Variants in DKK3 observed in about 807,000 individuals in gnomAD.
DKK3 encodes the protein dickkopf-related protein 3.
DKK3 carries 22 observed loss-of-function variants against 33.2 expected under a neutral mutation model. That is an observed-to-expected ratio of 0.66 (90% CI 0.47 to 0.95). The LOEUF is 0.95. Ranked by LOEUF, DKK3 falls within the 40% of genes least tolerant of loss-of-function variation. The pLI, the probability that DKK3 is intolerant of heterozygous loss-of-function variation, is 0.00. For missense variants in DKK3, 398 were observed against 458.4 expected, an observed-to-expected ratio of 0.87 and a Z score of 1.20; for synonymous variants, 194 against 188.8, an observed-to-expected ratio of 1.03 and a Z score of -0.23.
chr11:11,998,426 G>C, intron 3 of DKK3: 1 of 554,574 alleles, frequency 1.8e-6, no homozygotes, highest in Non-Finnish European at 3.2e-6. Context: ...GTACTTGCTT[G>C]TACCCCTTTC....
At chr11:11,984,667 A>G (rs889065164) in intron 3 of DKK3, among the ~76,000 whole-genome samples, 3 of 151,712 alleles carry the variant, frequency 2.0e-5, no homozygotes, top group South Asian at 4.2e-4. Flanking sequence ...AAAAAAAAAA[A>G]AAAAAGAAAA....
chr11:11,985,329 C>G (rs1044163928), intron 3 of DKK3, among the ~76,000 whole-genome samples: 1 of 152,244 alleles, frequency 6.6e-6, no homozygotes, highest in Non-Finnish European at 1.5e-5. Flanking sequence ...CCCGCTCCCC[C>G]GACAGTGAGC....
At position 12,002,393 on chromosome 11, in the gene DKK3, G is replaced by C. The variant is rs760818999; in HGVS notation, c.258C>G (p.Asn86Lys). The change falls in exon 2 of 7, where the codon AAC becomes AAG. Residue 86 changes from asparagine to lysine, a missense_variant. Asn to Lys is a moderately conservative substitution (Grantham distance 94). Transcript: ENST00000683431. ...GATAGCTGGGAGGTAAGTTTGCCAG[G>C]TTCACTTCTGATGATGCTTTAGCAG... ...EAAAKASSEVNLANLPPSYHN... is the reference protein window; with the variant it reads ...EAAAKASSEVKLANLPPSYHN... The C allele has an allele frequency of 5.8e-5, 94 of 1,613,596 alleles. No individual in the cohort carries two copies. The highest frequency in any genetic ancestry group is 7.6e-5 in the Non-Finnish European group (90 of 1,179,972).
intron 3 of DKK3, among the ~76,000 whole-genome samples, chr11:11,969,708 T>C (rs1847683103): frequency 6.6e-6 from 1 of 152,160 alleles, no homozygotes; most frequent in African/African-American, 2.4e-5. Context: ...GAGCCCCACC[T>C]GGAAGAGCCT....
At chr11:11,976,806 T>C (rs1847843715) in intron 3 of DKK3, among the ~76,000 whole-genome samples, 1 of 151,112 alleles carries the variant, frequency 6.6e-6, no homozygotes, top group Non-Finnish European at 1.5e-5. Context: ...GATTCCCAAG[T>C]CAGGTTTTCC....
chr11:11,976,536 G>A (rs995450828), intron 3 of DKK3, among the ~76,000 whole-genome samples: 2 of 152,252 alleles, frequency 1.3e-5, no homozygotes, highest in African/African-American at 4.8e-5. Context: ...CTCAAGCCAA[G>A]TTCTGCTCAA....
chr11:12,007,637 T>C (rs1022922292), intron 1 of DKK3, among the ~76,000 whole-genome samples: 3 of 152,182 alleles, frequency 2.0e-5, no homozygotes, highest in Admixed American at 6.5e-5. Context: ...GCACCTATTA[T>C]TTGCCAGGTG....
In DKK3 at chr11:11,968,473, G is replaced by A. The variant is rs918670099; in HGVS notation, c.450C>T (p.Asp150=). ...EGRRSHECII[D]EDCGPSMYCQ... ...AGTACATGCTGGGCCCACAGTCCTC[G>A]TCGATGATGCACTCCTGGGGAAGGG... The change falls in exon 4 of 7, where the codon GAC becomes GAT. Residue 150 remains aspartate (D), a synonymous_variant. Coordinates refer to ENST00000683431, the MANE Select transcript of DKK3 (RefSeq NM_001018057.2). The A allele has an allele frequency of 8.1e-6, 13 of 1,613,098 alleles. No homozygotes were observed. Among genetic ancestry groups the A allele is most frequent in the African/African-American group, 6.7e-5 (5 of 74,882 alleles).
intron 3 of DKK3, among the ~76,000 whole-genome samples, chr11:11,992,215 T>G (rs1163231597): frequency 6.6e-6 from 1 of 152,210 alleles, no homozygotes; most frequent in African/African-American, 2.4e-5. Context: ...TATTTTGACC[T>G]GGGTTATTTT....
In DKK3 at chr11:12,002,422, C is replaced by A; in HGVS notation, c.229G>T (p.Ala77Ser). The A allele has an allele frequency of 6.2e-7, 1 of 1,613,208 alleles. No individual in the cohort carries two copies. The highest frequency in any genetic ancestry group is 8.5e-7 in the Non-Finnish European group (1 of 1,179,658). Residue 77 changes from alanine (A) to serine (S), a missense_variant, in exon 2 of 7, where the codon GCT becomes TCT. Coordinates refer to ENST00000683431, the MANE Select transcript of DKK3 (RefSeq NM_001018057.2). ...ACTTCTGATGATGCTTTAGCAGCAG[C>A]TTCTTCTGCCTCCATCTATTAAATC... The part of the protein sequence containing the change: ...SAVEEMEAEE[A>S]AAKASSEVNL...
intron 3 of DKK3, among the ~76,000 whole-genome samples, chr11:11,987,049 C>T (rs1183373445): frequency 6.6e-6 from 1 of 152,232 alleles, no homozygotes; most frequent in Non-Finnish European, 1.5e-5. Flanking sequence ...CAGCTTTCAT[C>T]TACTAAGTAT....
chr11:11,995,170 C>T (rs1421138214), intron 3 of DKK3, among the ~76,000 whole-genome samples: 1 of 152,212 alleles, frequency 6.6e-6, no homozygotes. Context: ...GCCTCGACCG[C>T]CTGGGCTCAA....
rs919896716 is a variant in DKK3, at chr11:11,993,361, T to C, written c.435+5335A>G. On this transcript the variant is annotated intron_variant, in intron 3 of 6. Coordinates refer to ENST00000683431, the MANE Select transcript of DKK3 (RefSeq NM_001018057.2). ...TATATTTTATATACTTTAAATATTA[T>C]ATATACTGTTCTGCAATTTTTTTTC... Among the ~76,000 whole-genome samples the C allele has an allele frequency of 2.0e-5, 3 of 151,890 alleles. No homozygotes were observed. In the South Asian group the frequency reaches 6.3e-4, roughly 32 times the overall value.
chr11:11,974,374 G>A (rs184005905), intron 3 of DKK3, among the ~76,000 whole-genome samples: 2 of 152,344 alleles, frequency 1.3e-5, no homozygotes, highest in Non-Finnish European at 2.9e-5. Context: ...GAATACCTGA[G>A]ACTGGGTAAT....
chr11:11,968,306 G>T, intron 4 of DKK3, 89 bp downstream of exon 4: 1 of 1,236,542 alleles, frequency 8.1e-7, no homozygotes, highest in Non-Finnish European at 1.1e-6. Context: ...CTTCTGGGAA[G>T]CCCAGCTGAG....
chr11:11,993,795 AG>A, intron 3 of DKK3, among the ~76,000 whole-genome samples: 1 of 152,332 alleles, frequency 6.6e-6, no homozygotes, highest in Middle Eastern at 3.4e-3. Context: ...CATTCACACA[AG>A]CCTTTGCTAT....
intron 3 of DKK3, among the ~76,000 whole-genome samples, chr11:11,997,346 A>G (rs1848318696): frequency 6.6e-6 from 1 of 152,106 alleles, no homozygotes; most frequent in Non-Finnish European, 1.5e-5. Context: ...TCAAACCCCA[A>G]ACACAGCCTG....
rs576846458 is a variant in DKK3, at chr11:11,994,234, A to G, written c.435+4462T>C. On this transcript the variant is annotated intron_variant, in intron 3 of 6. Coordinates refer to ENST00000683431, the MANE Select transcript of DKK3 (RefSeq NM_001018057.2). Reference sequence around the variant, plus strand: ...TAGAACCCAGTTTTAATTACTCTTCAGTAATAATGAACCTCACACAAAGAG... The same window carrying G: ...TAGAACCCAGTTTTAATTACTCTTCGGTAATAATGAACCTCACACAAAGAG... 5.4e-4 allele frequency among the ~76,000 whole-genome samples: 82 copies of G among 152,260 alleles called. 1 individual carries two copies. Among genetic ancestry groups the G allele is most frequent in the African/African-American group, 1.9e-3 (77 of 41,552 alleles).
At chr11:11,970,427 A>G (rs934489288) in intron 3 of DKK3, among the ~76,000 whole-genome samples, 2 of 152,194 alleles carry the variant, frequency 1.3e-5, no homozygotes, top group African/African-American at 4.8e-5. Context: ...AGAGCATAAC[A>G]CCATTTTTTT....
Sources: allele counts gnomAD v4.1 joint callset (sites outside exome capture counted in the v4.1 genomes callset), GRCh38; gene constraint gnomAD v4.1.1; transcripts MANE v1.5; gene names NCBI Gene and HGNC (gene_info 2026-07-23, HGNC 2026-07-21).